GABRR2: variants seen among roughly 807,000 people sequenced by gnomAD.
The protein encoded by GABRR2 is gamma-aminobutyric acid type A receptor subunit rho2, also known as gamma-aminobutyric acid receptor subunit rho-2.
Under a neutral mutation model 47.0 loss-of-function variants are expected in GABRR2, and 36 were observed. That is an observed-to-expected ratio of 0.77 (90% CI 0.59 to 1.01). GABRR2 has a LOEUF of 1.01. Ranked by LOEUF, GABRR2 falls within the 50% of genes least tolerant of loss-of-function variation. The probability of loss-of-function intolerance (pLI) is 0.00; values close to 1 mark genes in which losing one functional copy is unlikely to be tolerated. For synonymous variants in GABRR2, 204 were observed against 227.5 expected, an observed-to-expected ratio of 0.90 and a Z score of 0.93; for missense variants, 587 against 594.6, an observed-to-expected ratio of 0.99 and a Z score of 0.13.
At position 89,256,147 on chromosome 6, in the gene GABRR2, G is replaced by A. The variant is rs1356317452; in HGVS notation, c.*1523C>T. ...AGTGGCTACCATATGAGACAGCCCA[G>A]ATCTAGGATGCATTCTGCTCCATTT... On this transcript the variant is annotated 3_prime_UTR_variant, in exon 9 of 9. Transcript: ENST00000402938. 1.3e-5 allele frequency among the ~76,000 whole-genome samples: 2 copies of A among 149,292 alleles called. No individual in the cohort carries two copies. The highest frequency in any genetic ancestry group is 5.0e-5 in the African/African-American group (2 of 40,326).
chr6:89,265,719 G>A lies in GABRR2; in HGVS notation c.783C>T (p.Ile261=). Reference sequence around the variant, plus strand: ...AATATGTTTGGAGCAAGAAGAAGAAGATGTGGCGACGCAACGTGAAGTTAA... The same window carrying A: ...AATATGTTTGGAGCAAGAAGAAGAAAATGTGGCGACGCAACGTGAAGTTAA... ...LYINFTLRRH[I]FFFLLQTYFP... is the part of the protein sequence containing the mutation. The change falls in exon 7 of 9, where the codon ATC becomes ATT. Residue 261 remains isoleucine (I), a synonymous_variant. Coordinates refer to ENST00000402938, the MANE Select transcript of GABRR2 (RefSeq NM_002043.5). The A allele has an allele frequency of 6.2e-7, 1 of 1,614,134 alleles. No homozygotes were observed. Among genetic ancestry groups the A allele is most frequent in the Admixed American group, 1.7e-5 (1 of 60,014 alleles).
intron 2 of GABRR2, among the ~76,000 whole-genome samples, chr6:89,297,487 G>T (rs1774576226): frequency 6.6e-6 from 1 of 152,100 alleles, no homozygotes; most frequent in Non-Finnish European, 1.5e-5. Flanking sequence ...CTGATGAGAG[G>T]ATTAAAATAA....
intron 2 of GABRR2, among the ~76,000 whole-genome samples, chr6:89,292,830 G>T (rs374328361): frequency 0.053 from 434 of 8,144 alleles, 70 homozygotes; most frequent in Admixed American, 0.071. Flanking sequence ...CGTATATATC[G>T]TATATACGAT....
chr6:89,306,037 AAAAG>A (rs1016357779), intron 1 of GABRR2, among the ~76,000 whole-genome samples: 102 of 152,090 alleles, frequency 6.7e-4, no homozygotes, highest in African/African-American at 2.3e-3. Context: ...GAAAAAAAGA[AAAAG>A]AAAATGATTG....
rs947278633 is a variant in GABRR2, at chr6:89,255,790, T to C, written c.*1880A>G. Among the ~76,000 whole-genome samples, 2 of 152,224 alleles carry C rather than the reference T, an allele frequency of 1.3e-5. No homozygotes were observed. The highest frequency in any genetic ancestry group is 1.9e-4 in the East Asian group (1 of 5,202). ...TTGGCTGGTAGAGCTTCCTGGTCTTTAGGCTGCCCAGCCCAGTGCAGTAGC... is the reference window on the plus strand; with the variant it reads ...TTGGCTGGTAGAGCTTCCTGGTCTTCAGGCTGCCCAGCCCAGTGCAGTAGC... On this transcript the variant is annotated 3_prime_UTR_variant, in exon 9 of 9. Coordinates refer to ENST00000402938, the MANE Select transcript of GABRR2 (RefSeq NM_002043.5).
chr6:89,302,879 G>A (rs187184085), intron 1 of GABRR2: 18 of 1,227,290 alleles, frequency 1.5e-5, no homozygotes, highest in East Asian at 9.8e-5. Flanking sequence ...GCAACAGCAC[G>A]GGCATCCAGG....
Position 89,276,018 on chromosome 6 carries a change from G to T in GABRR2, c.221-4296C>A, listed in dbSNP as rs191243097. Reference sequence around the variant, plus strand: ...CTGGAGGAAGATAACATCATCCTTGGTCTCTAATTTTTTCTATTAAAATAT... The same window carrying T: ...CTGGAGGAAGATAACATCATCCTTGTTCTCTAATTTTTTCTATTAAAATAT... On this transcript the variant is annotated intron_variant, in intron 2 of 8. Transcript: ENST00000402938. Among the ~76,000 whole-genome samples, 377 of 149,528 alleles carry T rather than the reference G, an allele frequency of 2.5e-3. 2 individuals are homozygous for T. The highest frequency in any genetic ancestry group is 6.7e-3 in the African/African-American group (272 of 40,888).
intron 2 of GABRR2, among the ~76,000 whole-genome samples, chr6:89,297,393 C>T (rs1227755940): frequency 6.6e-6 from 1 of 152,168 alleles, no homozygotes; most frequent in African/African-American, 2.4e-5. Flanking sequence ...GGGGTCCAAC[C>T]TCAGCTGACC....
chr6:89,282,848 C>T (rs1774272862), intron 2 of GABRR2, among the ~76,000 whole-genome samples: 3 of 152,228 alleles, frequency 2.0e-5, no homozygotes, highest in Admixed American at 1.3e-4. Flanking sequence ...TCCTCACTTC[C>T]CCAGCCCCTC....
chr6:89,313,489 C>A (rs1267943089), intron 1 of GABRR2, among the ~76,000 whole-genome samples: 1 of 152,188 alleles, frequency 6.6e-6, no homozygotes, highest in Non-Finnish European at 1.5e-5. Flanking sequence ...ACTTGCTGGG[C>A]CGATGACATC....
chr6:89,256,112 A>G lies in GABRR2; in HGVS notation c.*1558T>C, dbSNP rs998719441. 2.0e-5 allele frequency among the ~76,000 whole-genome samples: 3 copies of G among 149,528 alleles called. No homozygotes were observed. The highest frequency in any genetic ancestry group is 2.5e-5 in the African/African-American group (1 of 40,390). On this transcript the variant is annotated 3_prime_UTR_variant, in exon 9 of 9. Coordinates refer to ENST00000402938, the MANE Select transcript of GABRR2 (RefSeq NM_002043.5). Reference sequence around the variant, plus strand: ...TTTTTACTAATTTAAATTTAAATAGACATGTGGCTAGTGGCTACCATATGA... The same window carrying G: ...TTTTTACTAATTTAAATTTAAATAGGCATGTGGCTAGTGGCTACCATATGA...
intron 1 of GABRR2, among the ~76,000 whole-genome samples, chr6:89,305,279 C>A (rs868647661): frequency 6.6e-6 from 1 of 152,100 alleles, no homozygotes; most frequent in South Asian, 2.1e-4. Flanking sequence ...CACTTGAACC[C>A]GAGAGGTGGA....
chr6:89,261,027 T>C (rs1487785539), intron 8 of GABRR2, among the ~76,000 whole-genome samples: 1 of 152,204 alleles, frequency 6.6e-6, no homozygotes, highest in Non-Finnish European at 1.5e-5. Flanking sequence ...GGGGGAGACT[T>C]AGCGGCCTGA....
intron 1 of GABRR2, among the ~76,000 whole-genome samples, chr6:89,305,461 T>C (rs1767542695): frequency 6.6e-6 from 1 of 152,184 alleles, no homozygotes; most frequent in South Asian, 2.1e-4. Context: ...GGCAGATCAC[T>C]TGAGCCCAGG....
At chr6:89,265,329 C>A (rs1052997024) in intron 7 of GABRR2, among the ~76,000 whole-genome samples, 1 of 152,120 alleles carries the variant, frequency 6.6e-6, no homozygotes, top group Non-Finnish European at 1.5e-5. Flanking sequence ...TCTTGTTTAT[C>A]TAAATACTGA....
intron 1 of GABRR2, among the ~76,000 whole-genome samples, chr6:89,314,501 A>C (rs753283034): frequency 1.8e-4 from 28 of 152,244 alleles, no homozygotes; most frequent in Non-Finnish European, 3.4e-4. Context: ...TGTTGTTCAC[A>C]CATATATTTC....
At chr6:89,268,145 C>G in intron 4 of GABRR2, 49 bp from the exon 5 acceptor site, 2 of 1,378,488 alleles carry the variant, frequency 1.5e-6, no homozygotes, top group Non-Finnish European at 1.0e-6. Flanking sequence ...ATTATTGGCT[C>G]CTACATCTGC....
At chr6:89,300,450 C>T (rs539282247) in intron 1 of GABRR2, among the ~76,000 whole-genome samples, 1 of 151,908 alleles carries the variant, frequency 6.6e-6, no homozygotes, top group East Asian at 1.9e-4. Flanking sequence ...ACGCAGGTTG[C>T]AGTGAGTGGA....
At chr6:89,301,544 T>C (rs1460264007) in intron 1 of GABRR2, among the ~76,000 whole-genome samples, 1 of 152,010 alleles carries the variant, frequency 6.6e-6, no homozygotes, top group East Asian at 1.9e-4. Flanking sequence ...ACAAGATCAA[T>C]GTAAAAAATC....
Sources: gnomAD v4.1 joint callset for allele counts (sites outside exome capture counted in the v4.1 genomes callset) on GRCh38, gnomAD v4.1.1 for gene constraint, MANE v1.5 for transcripts, NCBI Gene and HGNC (gene_info 2026-07-23, HGNC 2026-07-21) for gene names.